Variants in AFF3 observed in about 807,000 individuals in gnomAD.
The protein encoded by AFF3 is ALF transcription elongation factor 3, also known as AF4/FMR2 family member 3.
Under a neutral mutation model 129.7 loss-of-function variants are expected in AFF3, and 32 were observed. The ratio of observed to expected loss-of-function variants is 0.25; its 90% CI spans 0.19 to 0.33. AFF3 has a LOEUF of 0.33. Among genes scored for constraint, AFF3 ranks in the 10% least tolerant of loss-of-function variants. AFF3 has a pLI of 1.00. For synonymous variants in AFF3, 644 were observed against 635.4 expected (o/e 1.01, Z -0.20); for missense variants, 1,373 against 1,592.0 (o/e 0.86, Z 2.34).
intron 8 of AFF3, among the ~76,000 whole-genome samples, chr2:99,825,381 A>G (rs1042908301): frequency 5.9e-5 from 9 of 152,238 alleles, no homozygotes; most frequent in African/African-American, 2.2e-4. Flanking sequence ...AGTAATTTGC[A>G]GCAAATCAGT....
At chr2:99,923,405 C>T (rs1049177830) in intron 7 of AFF3, among the ~76,000 whole-genome samples, 1 of 152,054 alleles carries the variant, frequency 6.6e-6, no homozygotes, top group African/African-American at 2.4e-5. Flanking sequence ...CCAAGTAGCT[C>T]GAAAGAAAAA....
chr2:100,103,063 G>A (rs1690864953), intron 4 of AFF3, among the ~76,000 whole-genome samples: 1 of 151,830 alleles, frequency 6.6e-6, no homozygotes, highest in Non-Finnish European at 1.5e-5. Flanking sequence ...AGAGCAAGCT[G>A]TACTTACTCA....
At chr2:99,728,182 T>G (rs1282136259) in intron 10 of AFF3, among the ~76,000 whole-genome samples, 1 of 152,242 alleles carries the variant, frequency 6.6e-6, no homozygotes, top group Non-Finnish European at 1.5e-5. Context: ...ATCCTCATTC[T>G]GTAAGGAGTT....
intron 7 of AFF3, among the ~76,000 whole-genome samples, chr2:99,930,196 A>G (rs1473814555): frequency 1.3e-5 from 2 of 152,162 alleles, no homozygotes; most frequent in African/African-American, 4.8e-5. Flanking sequence ...GAATGAAGCA[A>G]AAAGTCATAC....
At chr2:99,559,973 C>T (rs1011798323) in intron 21 of AFF3, among the ~76,000 whole-genome samples, 6 of 152,210 alleles carry the variant, frequency 3.9e-5, no homozygotes, top group Non-Finnish European at 8.8e-5. Context: ...TCAAAGTAAG[C>T]GGCTGCGCCG....
chr2:99,882,712 G>A (rs1692815452), intron 7 of AFF3, among the ~76,000 whole-genome samples: 1 of 152,200 alleles, frequency 6.6e-6, no homozygotes. Context: ...TTTTAATGGA[G>A]AATTTTCTTT....
At chr2:100,064,223 C>T (rs1687537146) in intron 4 of AFF3, among the ~76,000 whole-genome samples, 1 of 152,042 alleles carries the variant, frequency 6.6e-6, no homozygotes, top group Non-Finnish European at 1.5e-5. Flanking sequence ...AAACACAAAG[C>T]CAGCATATGA....
At chr2:99,898,081 C>T (rs541359874) in intron 7 of AFF3, among the ~76,000 whole-genome samples, 16 of 152,320 alleles carry the variant, frequency 1.1e-4, no homozygotes, top group South Asian at 8.3e-4. Context: ...ACCAAGTACA[C>T]GACAATGTTA....
intron 11 of AFF3, among the ~76,000 whole-genome samples, chr2:99,704,674 C>T (rs1575746528): frequency 6.6e-6 from 1 of 152,272 alleles, no homozygotes; most frequent in Middle Eastern, 3.4e-3. Flanking sequence ...ATATGTGAGC[C>T]CTGAAATCCT....
At chr2:100,049,873 C>G (rs762987959) in intron 4 of AFF3, among the ~76,000 whole-genome samples, 1 of 152,264 alleles carries the variant, frequency 6.6e-6, no homozygotes, top group Non-Finnish European at 1.5e-5. Context: ...CATTACTGCC[C>G]TATTCTGAAT....
intron 7 of AFF3, among the ~76,000 whole-genome samples, chr2:99,932,198 AT>A (rs1210231563): frequency 2.6e-5 from 4 of 151,440 alleles, no homozygotes; most frequent in Admixed American, 1.3e-4. Flanking sequence ...ACATTATGAG[AT>A]TTTTTTTGCG....
intron 7 of AFF3, among the ~76,000 whole-genome samples, chr2:99,958,577 G>A (rs769597182): frequency 3.3e-5 from 5 of 151,872 alleles, no homozygotes; most frequent in Admixed American, 6.6e-5. Context: ...GCTAAGCACC[G>A]TGATGGGAAA....
chr2:99,676,177 G>T (rs1356708636), intron 11 of AFF3, among the ~76,000 whole-genome samples: 3 of 152,000 alleles, frequency 2.0e-5, no homozygotes, highest in Non-Finnish European at 2.9e-5. Context: ...CCCCCAACCA[G>T]GGCCACCCCT....
At chr2:100,037,230 T>C (rs1202196602) in intron 4 of AFF3, among the ~76,000 whole-genome samples, 2 of 151,680 alleles carry the variant, frequency 1.3e-5, no homozygotes, top group Admixed American at 1.3e-4. Flanking sequence ...TTATGTAATG[T>C]AGTTTACAAA....
chr2:99,960,327 T>C (rs1487770500), intron 7 of AFF3, among the ~76,000 whole-genome samples: 1 of 152,176 alleles, frequency 6.6e-6, no homozygotes, highest in Non-Finnish European at 1.5e-5. Flanking sequence ...TAGCCTCTAC[T>C]GTGATTTTTA....
chr2:99,963,790 A>G (rs888378987), intron 7 of AFF3, among the ~76,000 whole-genome samples: 2 of 152,070 alleles, frequency 1.3e-5, no homozygotes, highest in African/African-American at 4.8e-5. Context: ...AATTACCTTA[A>G]AAGTAAATAG....
chr2:99,837,340 A>C (rs1688955549), intron 8 of AFF3, 137 bp downstream of exon 8: 2 of 808,944 alleles, frequency 2.5e-6, no homozygotes, highest in Non-Finnish European at 3.9e-6. Flanking sequence ...TGTTTCAAAA[A>C]CTTATGTGAC....
At chr2:99,777,626 C>CTCT (rs1684008985) in intron 8 of AFF3, among the ~76,000 whole-genome samples, 1 of 152,158 alleles carries the variant, frequency 6.6e-6, no homozygotes, top group South Asian at 2.1e-4. Flanking sequence ...ATGTACAAGG[C>CTCT]TCTTCATTCA....
At chr2:100,051,338 C>T (rs745943181) in intron 4 of AFF3, among the ~76,000 whole-genome samples, 5 of 152,104 alleles carry the variant, frequency 3.3e-5, no homozygotes, top group African/African-American at 4.8e-5. Context: ...AGGAAGATGT[C>T]GAGGGGCTTC....
Sources: allele counts gnomAD v4.1 joint callset (sites outside exome capture counted in the v4.1 genomes callset), GRCh38; gene constraint gnomAD v4.1.1; transcripts MANE v1.5; gene names NCBI Gene and HGNC (gene_info 2026-07-23, HGNC 2026-07-21).